MTHFD2L: variants seen among roughly 807,000 people sequenced by gnomAD.
MTHFD2L encodes the protein methylenetetrahydrofolate dehydrogenase (NADP+ dependent) 2 like, also known as bifunctional methylenetetrahydrofolate dehydrogenase/cyclohydrolase 2, mitochondrial.
In MTHFD2L, 29 loss-of-function variants were observed where a neutral mutation model predicts 34.9. The observed-to-expected ratio is 0.83, with a 90% CI of 0.62 to 1.13. The LOEUF is 1.13. Ranked by LOEUF, MTHFD2L falls within the 50% of genes most tolerant of loss-of-function variation. The pLI is 0.00. For missense variants in MTHFD2L, 481 were observed against 446.5 expected, an observed-to-expected ratio of 1.08 and a Z score of -0.70; for synonymous variants, 167 against 155.7, an observed-to-expected ratio of 1.07 and a Z score of -0.54.
intron 1 of MTHFD2L, among the ~76,000 whole-genome samples, chr4:74,149,154 C>G (rs1038731605): frequency 1.3e-5 from 2 of 151,804 alleles, no homozygotes; most frequent in Admixed American, 1.3e-4. Flanking sequence ...CTGATAGTGC[C>G]ACTTGCTCCA....
intron 7 of MTHFD2L, among the ~76,000 whole-genome samples, chr4:74,285,246 C>T (rs187927022): frequency 3.3e-5 from 5 of 151,668 alleles, no homozygotes; most frequent in Admixed American, 6.6e-5. Context: ...CTGTAAATGA[C>T]GAGTTAATGG....
intron 6 of MTHFD2L, among the ~76,000 whole-genome samples, chr4:74,250,023 C>T (rs1019712357): frequency 7.0e-6 from 1 of 143,098 alleles, no homozygotes. Flanking sequence ...CTGAATGTTG[C>T]CTGCCTTGCT....
chr4:74,168,519 T>C (rs1205368151), intron 1 of MTHFD2L, among the ~76,000 whole-genome samples: 1 of 152,248 alleles, frequency 6.6e-6, no homozygotes. Flanking sequence ...GTTACACATA[T>C]TAAATACTTG....
chr4:74,126,644 A>G lies in MTHFD2L; in HGVS notation c.-297+1127A>G, dbSNP rs1188502816. 2.6e-5 allele frequency among the ~76,000 whole-genome samples: 4 copies of G among 152,274 alleles called. 1 individual carries two copies. The South Asian group carries it at 8.3e-4, about 32-fold the overall frequency. On this transcript the variant is annotated intron_variant, in intron 1 of 7. Transcript: ENST00000433372. Reference sequence around the variant, plus strand: ...TACAACAAAGTTAAGTCAGGGAATGAATATGTAAGAAGCACCCCCTACCAG... The same window carrying G: ...TACAACAAAGTTAAGTCAGGGAATGGATATGTAAGAAGCACCCCCTACCAG...
At chr4:74,161,064 A>G (rs1282285304) in intron 1 of MTHFD2L, 1 of 152,084 alleles carries the variant, frequency 6.6e-6, no homozygotes, top group East Asian at 1.9e-4. Context: ...TATTTCTTTT[A>G]GCTTTTAAAA....
At chr4:74,171,547 A>G (rs999785510) in intron 1 of MTHFD2L, among the ~76,000 whole-genome samples, 15 of 152,224 alleles carry the variant, frequency 9.9e-5, no homozygotes, top group Non-Finnish European at 1.8e-4. Context: ...TCACACCTGT[A>G]GTCCCAGCAT....
At chr4:74,228,842 G>T (rs1026968115) in intron 6 of MTHFD2L, among the ~76,000 whole-genome samples, 1 of 152,192 alleles carries the variant, frequency 6.6e-6, no homozygotes, top group Non-Finnish European at 1.5e-5. Flanking sequence ...GGTGTGGTGG[G>T]TGTTGAGGCT....
intron 1 of MTHFD2L, among the ~76,000 whole-genome samples, chr4:74,127,263 A>G (rs1722149581): frequency 1.3e-5 from 2 of 152,176 alleles, no homozygotes; most frequent in Non-Finnish European, 2.9e-5. Flanking sequence ...TGTGCCAGGA[A>G]CATTTGAATT....
At chr4:74,240,492 ATATC>A (rs1741542228) in intron 6 of MTHFD2L, among the ~76,000 whole-genome samples, 1 of 152,194 alleles carries the variant, frequency 6.6e-6, no homozygotes, top group Non-Finnish European at 1.5e-5. Flanking sequence ...ATGATGGTGT[ATATC>A]TATAGGAATT....
chr4:74,302,612 TAAAA>T lies in MTHFD2L; in HGVS notation c.*807_*810del, dbSNP rs534354662. ...CCTTCACTGAGCAATAGTGGAAAAA[TAAAA>T]AAATAAGTAAACAGAAAAAACTAAA... On this transcript the variant is annotated 3_prime_UTR_variant, in exon 8 of 8. Coordinates refer to ENST00000325278, the MANE Select transcript of MTHFD2L (RefSeq NM_001144978.3). The T allele has an allele frequency of 3.6e-4, 54 of 151,930 alleles. No individual in the cohort carries two copies. The highest frequency in any genetic ancestry group is 1.3e-3 in the African/African-American group (53 of 41,486). 9.4% of individuals were successfully genotyped at this position (151,930 alleles called of 1,614,324 possible).
rs747378987 is a variant in MTHFD2L, at chr4:74,302,682, T to G, written c.*873T>G. The G allele has an allele frequency of 3.3e-4, 51 of 152,270 alleles. No individual in the cohort carries two copies. The highest frequency in any genetic ancestry group is 7.2e-4 in the Admixed American group (11 of 15,274). 9.4% of individuals were successfully genotyped at this position (152,270 alleles called of 1,614,324 possible). ...AAATATAGTATGAATGAGGTCATAT[T>G]AAAGAACAGCAACTGTTAATGTTTG... On this transcript the variant is annotated 3_prime_UTR_variant, in exon 8 of 8. Coordinates refer to ENST00000325278, the MANE Select transcript of MTHFD2L (RefSeq NM_001144978.3).
chr4:74,168,282 C>G (rs1250188647), intron 1 of MTHFD2L, among the ~76,000 whole-genome samples: 1 of 152,196 alleles, frequency 6.6e-6, no homozygotes, highest in African/African-American at 2.4e-5. Flanking sequence ...TCCACTGCAA[C>G]CATTGGCCTC....
chr4:74,201,484 A>G (rs1360572655), intron 5 of MTHFD2L, 114 bp downstream of exon 5: 9 of 622,596 alleles, frequency 1.4e-5, no homozygotes, highest in South Asian at 3.4e-5. Context: ...ATGCAGTTCA[A>G]AGTCTCCTTT....
At chr4:74,183,526 C>G (rs114861524) in intron 3 of MTHFD2L, 2,268 of 152,170 alleles carry the variant, frequency 0.015, 17 homozygotes, top group Non-Finnish European at 0.022. Flanking sequence ...GTGGTGCACA[C>G]CTGTAATCAC....
intron 6 of MTHFD2L, among the ~76,000 whole-genome samples, chr4:74,250,401 A>C (rs1034275362): frequency 6.6e-6 from 1 of 151,860 alleles, no homozygotes; most frequent in African/African-American, 2.4e-5. Flanking sequence ...CCAACATTTT[A>C]TTATGTATCT....
chr4:74,133,578 C>G (rs527812732), intron 1 of MTHFD2L, among the ~76,000 whole-genome samples: 1 of 152,152 alleles, frequency 6.6e-6, no homozygotes, highest in Non-Finnish European at 1.5e-5. Context: ...ATTCTTTTCT[C>G]TAACCCATTC....
At chr4:74,272,365 G>C (rs1473419284) in intron 6 of MTHFD2L, among the ~76,000 whole-genome samples, 1 of 151,980 alleles carries the variant, frequency 6.6e-6, no homozygotes, top group Admixed American at 6.6e-5. Flanking sequence ...AGAGTTTAAG[G>C]CTAATATGGT....
intron 6 of MTHFD2L, among the ~76,000 whole-genome samples, chr4:74,263,346 G>A (rs535934390): frequency 6.6e-6 from 1 of 151,978 alleles, no homozygotes; most frequent in South Asian, 2.1e-4. Flanking sequence ...TTTTACAATT[G>A]TTCTCTCTAG....
At chr4:74,277,077 G>A (rs578026318) in intron 6 of MTHFD2L, among the ~76,000 whole-genome samples, 1 of 151,946 alleles carries the variant, frequency 6.6e-6, no homozygotes, top group East Asian at 1.9e-4. Flanking sequence ...GCATGGAGGA[G>A]CAAAATGGGT....
Sources: allele counts gnomAD v4.1 joint callset (sites outside exome capture counted in the v4.1 genomes callset), GRCh38; gene constraint gnomAD v4.1.1; transcripts MANE v1.5; gene names NCBI Gene and HGNC (gene_info 2026-07-23, HGNC 2026-07-21).